C1orf159: variants seen among roughly 807,000 people sequenced by gnomAD.
C1orf159 encodes uncharacterized protein C1orf159.
C1orf159 carries 19 observed loss-of-function variants against 25.6 expected under a neutral mutation model. That is an observed-to-expected ratio of 0.74 (90% CI 0.52 to 1.09). The LOEUF (loss-of-function observed/expected upper bound fraction) is 1.09. C1orf159 is among the 50% of genes least tolerant of loss of function. C1orf159 has a pLI of 0.00. For synonymous variants in C1orf159, 139 were observed against 124.7 expected (o/e 1.12, Z -0.77); for missense variants, 274 against 290.6 (o/e 0.94, Z 0.42).
Position 1,089,318 on chromosome 1 carries a change from G to A in C1orf159, c.148+1035C>T, listed in dbSNP as rs1645887843. On this transcript the variant is annotated intron_variant, in intron 4 of 9. Coordinates refer to ENST00000421241, the MANE Select transcript of C1orf159 (RefSeq NM_017891.5). This position sits in a 1 kb window ranked among gnomAD's most constrained non-coding sequence, Gnocchi z 7.5. ...TGCCTGGGGTACACAATCCCTCACA[G>A]GAGACGCCACGGCCCCAGCACTCTT... Among the ~76,000 whole-genome samples the A allele has an allele frequency of 6.6e-6, 1 of 152,172 alleles. No individual in the cohort carries two copies. Among genetic ancestry groups the A allele is most frequent in the African/African-American group, 2.4e-5 (1 of 41,432 alleles).
At chr1:1,084,051 G>A in intron 9 of C1orf159, 1 of 1,608,956 alleles carries the variant, frequency 6.2e-7, no homozygotes, top group Non-Finnish European at 8.5e-7. Context: ...GGTCTGCCCT[G>A]TCGTGGTGGG....
At chr1:1,115,165 A>C (rs1196179781) in intron 1 of C1orf159, 1 of 144,494 alleles carries the variant, frequency 6.9e-6, no homozygotes, top group Non-Finnish European at 1.5e-5. Context: ...GCCACAAAAT[A>C]GTTCCCGGGG....
intron 1 of C1orf159, among the ~76,000 whole-genome samples, chr1:1,096,165 A>G (rs1187348473): frequency 6.6e-6 from 1 of 152,124 alleles, no homozygotes; most frequent in East Asian, 1.9e-4. Context: ...ATTGGATTAT[A>G]TTGCCTCATA....
intron 1 of C1orf159, among the ~76,000 whole-genome samples, chr1:1,108,276 CCACCACAGCCACCATGTCTCGGCACCGTT>C (rs1196558994): frequency 2.2e-4 from 31 of 138,338 alleles, no homozygotes; most frequent in Non-Finnish European, 3.7e-4. Context: ...GCAGCACCGT[CCACCACAGCCACCATGTCTCGGCACCGTT>C]CACCACAGCC....
intron 1 of C1orf159, among the ~76,000 whole-genome samples, chr1:1,107,381 G>C (rs965261108): frequency 6.6e-6 from 1 of 152,124 alleles, no homozygotes; most frequent in African/African-American, 2.4e-5. Context: ...TTTATGTCTA[G>C]CTACAGGATT....
intron 1 of C1orf159, among the ~76,000 whole-genome samples, chr1:1,102,196 G>A (rs894846009): frequency 6.6e-6 from 1 of 150,592 alleles, no homozygotes; most frequent in African/African-American, 2.4e-5. Context: ...AAATTTGAAA[G>A]TTTCTGGTTA....
At chr1:1,096,897 G>T (rs767533884) in intron 1 of C1orf159, among the ~76,000 whole-genome samples, 16 of 152,086 alleles carry the variant, frequency 1.1e-4, no homozygotes, top group East Asian at 3.9e-4. Flanking sequence ...CTAATTTTTT[G>T]ATTTTTTGTA....
chr1:1,088,812 G>C (rs1037059296), intron 4 of C1orf159, among the ~76,000 whole-genome samples: 1 of 152,142 alleles, frequency 6.6e-6, no homozygotes, highest in African/African-American at 2.4e-5. Flanking sequence ...GCGGTGGAGA[G>C]TGGGCCTGAG....
chr1:1,085,820 G>T, intron 7 of C1orf159, 58 bp downstream of exon 7: 1 of 1,597,364 alleles, frequency 6.3e-7, no homozygotes, highest in South Asian at 1.1e-5. Flanking sequence ...CCATCTCCAC[G>T]GCTGGATGCC....
intron 7 of C1orf159, 98 bp from the exon 8 acceptor site, chr1:1,084,604 A>C: frequency 1.3e-6 from 2 of 1,484,488 alleles, no homozygotes; most frequent in Non-Finnish European, 1.8e-6. Context: ...GAGCTGCCTC[A>C]GCCTCAGCCC....
At chr1:1,108,244 T>C (rs6666617) in intron 1 of C1orf159, among the ~76,000 whole-genome samples, 14,520 of 80,824 alleles carry the variant, frequency 0.18, 1,424 homozygotes, top group African/African-American at 0.35. Flanking sequence ...GCAGCACCGT[T>C]CACCACAGCC....
chr1:1,102,071 CAAAAAAAAA>C (rs1237729417), intron 1 of C1orf159, among the ~76,000 whole-genome samples: 8 of 39,968 alleles, frequency 2.0e-4, no homozygotes, highest in African/African-American at 7.5e-4. Context: ...AACTCTGTCT[CAAAAAAAAA>C]AAAAAAAAAA....
At chr1:1,105,896 T>G (rs904389009) in intron 1 of C1orf159, 1 of 151,996 alleles carries the variant, frequency 6.6e-6, no homozygotes, top group Non-Finnish European at 1.5e-5. Context: ...AATAAATAAA[T>G]AAATAGATAG....
At position 1,087,786 on chromosome 1, in the gene C1orf159, T is replaced by C; in HGVS notation, c.149-189A>G. The C allele has an allele frequency of 8.3e-6, 5 of 601,978 alleles. No individual in the cohort carries two copies. The South Asian group carries it at 9.8e-5, about 12-fold the overall frequency. 37.3% of individuals were successfully genotyped at this position (601,978 alleles called of 1,614,324 possible). ...TGGCGGGGCCGTGAGCACCCCACGC[T>C]GAGTACTCCACACTGCGCACCCTGA... is the stretch of plus-strand genomic sequence containing the variant. On this transcript the variant is annotated intron_variant, in intron 4 of 9. Coordinates refer to ENST00000421241, the MANE Select transcript of C1orf159 (RefSeq NM_017891.5). The surrounding 1 kb of genome is among the most constrained non-coding windows in gnomAD (Gnocchi z 8.3).
intron 4 of C1orf159, among the ~76,000 whole-genome samples, chr1:1,088,555 C>T (rs888035303): frequency 5.9e-5 from 9 of 151,262 alleles, no homozygotes; most frequent in Non-Finnish European, 1.2e-4. Context: ...CTCATCCCCC[C>T]GCCAGGCCGA....
At chr1:1,091,894 C>T (rs930562503) in intron 2 of C1orf159, 97 bp downstream of exon 2, 46 of 457,396 alleles carry the variant, frequency 1.0e-4, no homozygotes, top group African/African-American at 6.9e-4. Context: ...TGCAGGGCCA[C>T]GACAGGGAAG....
chr1:1,100,683 C>G (rs1161168958), intron 1 of C1orf159, among the ~76,000 whole-genome samples: 1 of 152,182 alleles, frequency 6.6e-6, no homozygotes, highest in Non-Finnish European at 1.5e-5. Context: ...TTCTGGCCCT[C>G]TTTTGCGTGA....
chr1:1,083,609 T>G, intron 9 of C1orf159: 3 of 369,442 alleles, frequency 8.1e-6, no homozygotes, highest in East Asian at 5.6e-5. Flanking sequence ...TGCCCCTTGG[T>G]TTTGGACTTC....
At chr1:1,113,374 G>A (rs191821745) in intron 1 of C1orf159, among the ~76,000 whole-genome samples, 24 of 152,208 alleles carry the variant, frequency 1.6e-4, no homozygotes, top group Admixed American at 1.2e-3. Flanking sequence ...ACTCCACCTC[G>A]GCACACGCAA....
Sources: allele counts gnomAD v4.1 joint callset (sites outside exome capture counted in the v4.1 genomes callset), GRCh38; gene constraint gnomAD v4.1.1; non-coding constraint Gnocchi (gnomAD v3.1); transcripts MANE v1.5; gene names NCBI Gene and HGNC (gene_info 2026-07-23, HGNC 2026-07-21).